Variants in ZFHX3 observed in about 807,000 individuals in gnomAD.
ZFHX3 encodes zinc finger homeobox 3.
A neutral mutation model predicts 279.1 loss-of-function variants in ZFHX3; 42 were observed. The observed-to-expected ratio is 0.15, with a 90% CI of 0.12 to 0.19. The LOEUF (loss-of-function observed/expected upper bound fraction) is 0.19. Among genes scored for constraint, ZFHX3 ranks in the 10% least tolerant of loss-of-function variants. The pLI is 1.00. For missense variants in ZFHX3, 4,981 were observed against 4,754.0 expected (o/e 1.05, Z -1.40); for synonymous variants, 2,293 against 1,957.8 (o/e 1.17, Z -4.52).
chr16:73,596,635 T>C (rs1191992250), intron 2 of ZFHX3, among the ~76,000 whole-genome samples: 1 of 152,178 alleles, frequency 6.6e-6, no homozygotes, highest in Admixed American at 6.5e-5. Context: ...TATTACTCTT[T>C]TCAAAAAGCT....
At chr16:73,236,882 C>A (rs531346985) in intron 5 of ZFHX3, among the ~76,000 whole-genome samples, 1 of 152,190 alleles carries the variant, frequency 6.6e-6, no homozygotes, top group African/African-American at 2.4e-5. Context: ...GAAGAAGCCA[C>A]GCGGTACCTG....
chr16:73,631,447 C>T lies in ZFHX3; in HGVS notation c.-1547+48733G>A, dbSNP rs373929674. 2.0e-5 allele frequency among the ~76,000 whole-genome samples: 3 copies of T among 152,230 alleles called. No individual in the cohort carries two copies. In the East Asian group the frequency reaches 5.8e-4, roughly 29 times the overall value. Reference sequence around the variant, plus strand: ...TGTATCTACCATCTTATCTTTTCATCAATATGTCATCTAGCTAGAGATCAT... The same window carrying T: ...TGTATCTACCATCTTATCTTTTCATTAATATGTCATCTAGCTAGAGATCAT... On this transcript the variant is annotated intron_variant, in intron 2 of 17. Coordinates refer to the ZFHX3 transcript ENST00000641206.
intron 3 of ZFHX3, among the ~76,000 whole-genome samples, chr16:72,937,131 C>G (rs956346017): frequency 6.6e-6 from 1 of 152,084 alleles, no homozygotes; most frequent in Non-Finnish European, 1.5e-5. Context: ...GCTAAGCCTG[C>G]GGAGTTCATT....
At chr16:73,720,163 T>G (rs2053460298) in intron 1 of ZFHX3, among the ~76,000 whole-genome samples, 1 of 152,242 alleles carries the variant, frequency 6.6e-6, no homozygotes, top group South Asian at 2.1e-4. Context: ...AGTTTCATGT[T>G]TCATTATTTA....
intron 2 of ZFHX3, among the ~76,000 whole-genome samples, chr16:73,619,758 A>G (rs1456619215): frequency 1.3e-5 from 2 of 151,682 alleles, no homozygotes; most frequent in African/African-American, 4.8e-5. Flanking sequence ...CTGCCTACCA[A>G]ACCCCACTCC....
At chr16:72,996,182 G>T (rs1417987277) in intron 1 of ZFHX3, among the ~76,000 whole-genome samples, 2 of 152,122 alleles carry the variant, frequency 1.3e-5, no homozygotes, top group Non-Finnish European at 2.9e-5. Context: ...TACTCAGGAG[G>T]CTCAGGCAGA....
At chr16:73,847,237 G>A (rs1448303510) in intron 1 of ZFHX3, among the ~76,000 whole-genome samples, 1 of 152,224 alleles carries the variant, frequency 6.6e-6, no homozygotes, top group Non-Finnish European at 1.5e-5. Context: ...GGAGGCAGAG[G>A]TTGAAGTGAA....
chr16:72,901,915 C>T (rs2039046770), intron 3 of ZFHX3, among the ~76,000 whole-genome samples: 1 of 152,194 alleles, frequency 6.6e-6, no homozygotes, highest in South Asian at 2.1e-4. Flanking sequence ...CTCCTTCCCC[C>T]ACCCCCTTTT....
At position 72,783,900 on chromosome 16, in the gene ZFHX3, T is replaced by G. The variant is rs2035232588; in HGVS notation, c.*3264A>C. The G allele has an allele frequency of 6.6e-6, 1 of 152,262 alleles. No individual in the cohort carries two copies. The highest frequency in any genetic ancestry group is 2.4e-5 in the African/African-American group (1 of 41,466). The allele number at this position is 152,262 out of a possible 1,614,324, so 9.4% of individuals were successfully genotyped here. A position where few individuals can be genotyped will look rare whatever the true frequency, so the allele number is the denominator to read the frequency against. On this transcript the variant is annotated 3_prime_UTR_variant, in exon 10 of 10. Transcript: ENST00000268489. ...ATTCATGCTTTGTAAATAGTACTGG[T>G]CATAGCCACGATGGCTGTCAGCCCA...
intron 3 of ZFHX3, among the ~76,000 whole-genome samples, chr16:73,344,219 C>G (rs2016085569): frequency 6.6e-6 from 1 of 152,146 alleles, no homozygotes; most frequent in South Asian, 2.1e-4. Flanking sequence ...CTCTGACTTC[C>G]TCACTGAGGA....
At chr16:73,564,768 G>A (rs538679744) in intron 2 of ZFHX3, among the ~76,000 whole-genome samples, 2 of 152,264 alleles carry the variant, frequency 1.3e-5, no homozygotes, top group Non-Finnish European at 2.9e-5. Context: ...TAGTGTTCAA[G>A]TCTGCTCAGG....
chr16:73,177,258 C>T (rs965082412), intron 5 of ZFHX3, among the ~76,000 whole-genome samples: 1 of 152,140 alleles, frequency 6.6e-6, no homozygotes, highest in Non-Finnish European at 1.5e-5. Context: ...AAAATATCTT[C>T]CATTCTATGC....
intron 2 of ZFHX3, among the ~76,000 whole-genome samples, chr16:73,671,258 G>A (rs1013543649): frequency 7.2e-5 from 11 of 152,232 alleles, no homozygotes. Flanking sequence ...TTTAAAAATA[G>A]TGATTTGCAT....
At chr16:72,894,130 CAG>C (rs1173440540) in intron 3 of ZFHX3, among the ~76,000 whole-genome samples, 1 of 133,658 alleles carries the variant, frequency 7.5e-6, no homozygotes, top group East Asian at 2.1e-4. Flanking sequence ...GCCTGGGCGA[CAG>C]AGCAAAACTC....
intron 5 of ZFHX3, among the ~76,000 whole-genome samples, chr16:73,247,182 T>C (rs77955457): frequency 0.027 from 4,047 of 152,080 alleles, 161 homozygotes; most frequent in African/African-American, 0.085. Flanking sequence ...TGTACCTGTA[T>C]GTGGAATACA....
chr16:73,106,526 T>C (rs1316083256), intron 7 of ZFHX3, among the ~76,000 whole-genome samples: 2 of 152,154 alleles, frequency 1.3e-5, no homozygotes, highest in Non-Finnish European at 2.9e-5. Flanking sequence ...ATATCATCCC[T>C]TTATTGTGCC....
chr16:73,251,747 A>C (rs969463008), intron 5 of ZFHX3, among the ~76,000 whole-genome samples: 1 of 128,290 alleles, frequency 7.8e-6, no homozygotes, highest in African/African-American at 2.7e-5. Context: ...GCACACACAC[A>C]TACACACCAC....
intron 4 of ZFHX3, among the ~76,000 whole-genome samples, chr16:73,265,291 G>A (rs994593346): frequency 3.9e-5 from 6 of 152,142 alleles, no homozygotes; most frequent in African/African-American, 1.4e-4. Flanking sequence ...AAATCCTGGG[G>A]CGGAGCAGCA....
At chr16:73,754,461 A>G (rs1231742598) in intron 1 of ZFHX3, among the ~76,000 whole-genome samples, 1 of 151,960 alleles carries the variant, frequency 6.6e-6, no homozygotes, top group African/African-American at 2.4e-5. Flanking sequence ...CCTCTCTGGT[A>G]CCCCCGAGAA....
Sources: allele counts gnomAD v4.1 joint callset (sites outside exome capture counted in the v4.1 genomes callset), GRCh38; gene constraint gnomAD v4.1.1; transcripts MANE v1.5; gene names NCBI Gene and HGNC (gene_info 2026-07-23, HGNC 2026-07-21).